Variants in LRP1B observed in about 807,000 individuals in gnomAD.
LRP1B encodes the protein low-density lipoprotein receptor-related protein 1B.
A neutral mutation model predicts 556.6 loss-of-function variants in LRP1B; 217 were observed. That is an observed-to-expected ratio of 0.39 (90% CI 0.35 to 0.44). The LOEUF is 0.44. Ranked by LOEUF, LRP1B falls within the 20% of genes least tolerant of loss-of-function variation. The pLI is 1.00. For missense variants in LRP1B, 5,053 were observed against 5,620.8 expected, an observed-to-expected ratio of 0.90 and a Z score of 3.23; for synonymous variants, 2,047 against 1,865.8, an observed-to-expected ratio of 1.10 and a Z score of -2.50.
chr2:141,974,002 C>T (rs1701816043), intron 1 of LRP1B, among the ~76,000 whole-genome samples: 1 of 151,808 alleles, frequency 6.6e-6, no homozygotes, highest in African/African-American at 2.4e-5. Context: ...TTTGCCTTTC[C>T]ACCCCTTCTC....
At chr2:141,572,403 C>T (rs987806925) in intron 2 of LRP1B, among the ~76,000 whole-genome samples, 2 of 152,112 alleles carry the variant, frequency 1.3e-5, no homozygotes, top group African/African-American at 4.8e-5. Flanking sequence ...TGCCACCAGG[C>T]CTGCCCTGCA....
intron 66 of LRP1B, among the ~76,000 whole-genome samples, chr2:140,393,927 T>C (rs891886492): frequency 6.6e-6 from 1 of 152,136 alleles, no homozygotes; most frequent in African/African-American, 2.4e-5. Flanking sequence ...ATCAACCTTA[T>C]ACAATTCTGT....
intron 3 of LRP1B, among the ~76,000 whole-genome samples, chr2:141,425,628 G>A (rs1294838284): frequency 1.3e-5 from 2 of 149,336 alleles, no homozygotes; most frequent in Non-Finnish European, 3.0e-5. Flanking sequence ...GGTGTGAGAT[G>A]GTATCTCACT....
intron 83 of LRP1B, among the ~76,000 whole-genome samples, chr2:140,301,674 T>C (rs1002654942): frequency 5.9e-5 from 9 of 151,992 alleles, no homozygotes; most frequent in Non-Finnish European, 1.2e-4. Context: ...TGTGAATGTA[T>C]TCCTCATATA....
rs767018342 is a variant in LRP1B at position 140,510,007 on chromosome 2, G to C, written c.8319C>G (p.Ala2773=). The C allele has an allele frequency of 6.2e-7, 1 of 1,613,914 alleles. No homozygotes were observed. Among genetic ancestry groups the C allele is most frequent in the South Asian group, 1.1e-5 (1 of 91,058 alleles). ...CACAAAGCCAATGTCGGGGCACGCA[G>C]GCACGAGAGCCCTGGCAGCTGAACA... is the stretch of plus-strand genomic sequence containing the variant. ...ADMFSCQGSR[A]CVPRHWLCDG... The change falls in exon 52 of 91, where the codon GCC becomes GCG. Residue 2773 remains alanine, a synonymous_variant. Transcript: ENST00000389484.
At chr2:140,400,242 G>A (rs950963424) in intron 66 of LRP1B, among the ~76,000 whole-genome samples, 1 of 152,140 alleles carries the variant, frequency 6.6e-6, no homozygotes, top group African/African-American at 2.4e-5. Flanking sequence ...GTCCCCATCA[G>A]GCCATTAATC....
intron 79 of LRP1B, among the ~76,000 whole-genome samples, chr2:140,327,691 T>TATTG (rs1246497519): frequency 7.9e-5 from 12 of 152,032 alleles, no homozygotes; most frequent in African/African-American, 2.9e-4. Context: ...AAAACATTAA[T>TATTG]ATTGATAATC....
chr2:141,227,892 CT>C (rs1351718834), intron 6 of LRP1B, among the ~76,000 whole-genome samples: 4 of 152,124 alleles, frequency 2.6e-5, no homozygotes, highest in African/African-American at 9.7e-5. Context: ...CAGCATTCTT[CT>C]TTTCCGCTTG....
At chr2:140,891,808 T>C (rs1241078173) in intron 23 of LRP1B, among the ~76,000 whole-genome samples, 1 of 152,212 alleles carries the variant, frequency 6.6e-6, no homozygotes, top group African/African-American at 2.4e-5. Context: ...GATGATGTCA[T>C]CAGCTGTCTC....
chr2:141,744,885 C>T (rs749727281), intron 2 of LRP1B, among the ~76,000 whole-genome samples: 47 of 152,152 alleles, frequency 3.1e-4, no homozygotes, highest in African/African-American at 9.9e-4. Context: ...TGATCTAAGC[C>T]GTATTTGCAT....
intron 79 of LRP1B, among the ~76,000 whole-genome samples, chr2:140,332,777 C>A (rs974701933): frequency 6.6e-6 from 1 of 152,016 alleles, no homozygotes; most frequent in Admixed American, 6.6e-5. Flanking sequence ...ATACAACTAC[C>A]GTCATAAATG....
chr2:141,608,864 G>T (rs1351578862), intron 2 of LRP1B, among the ~76,000 whole-genome samples: 1 of 152,096 alleles, frequency 6.6e-6, no homozygotes, highest in African/African-American at 2.4e-5. Context: ...ATTGATGAAG[G>T]TGGATGGGTT....
At chr2:140,713,079 G>C (rs1687090900) in intron 37 of LRP1B, among the ~76,000 whole-genome samples, 1 of 151,978 alleles carries the variant, frequency 6.6e-6, no homozygotes, top group Non-Finnish European at 1.5e-5. Flanking sequence ...TACAGAGCCT[G>C]AATTCTGTTG....
chr2:141,832,708 C>T (rs1163532517), intron 1 of LRP1B, among the ~76,000 whole-genome samples: 3 of 151,720 alleles, frequency 2.0e-5, no homozygotes, highest in Non-Finnish European at 3.0e-5. Flanking sequence ...AGTTATACAT[C>T]AGCTACCAAG....
chr2:141,394,776 A>G lies in LRP1B; in HGVS notation c.343+85620T>C, dbSNP rs1690179940. On this transcript the variant is annotated intron_variant, in intron 3 of 90. Coordinates refer to ENST00000389484, the MANE Select transcript of LRP1B (RefSeq NM_018557.3). Reference sequence around the variant, plus strand: ...GGAACTTTAAAACTTAGAAAACTGAAAAACTTGCACACGGATTCTTCCTAG... The same window carrying G: ...GGAACTTTAAAACTTAGAAAACTGAGAAACTTGCACACGGATTCTTCCTAG... 2.0e-5 allele frequency among the ~76,000 whole-genome samples: 3 copies of G among 152,138 alleles called. No individual in the cohort carries two copies. The South Asian group carries it at 6.2e-4, about 31-fold the overall frequency.
intron 1 of LRP1B, among the ~76,000 whole-genome samples, chr2:142,064,513 C>T (rs2104898911): frequency 6.6e-6 from 1 of 151,618 alleles, no homozygotes; most frequent in Non-Finnish European, 1.5e-5. Flanking sequence ...ATTTTAATAT[C>T]CAGCACTGCC....
intron 2 of LRP1B, among the ~76,000 whole-genome samples, chr2:141,483,078 G>A (rs1347216879): frequency 6.6e-6 from 1 of 151,242 alleles, no homozygotes; most frequent in East Asian, 2.0e-4. Context: ...TTGTCATTTA[G>A]CATTAGGTGT....
intron 2 of LRP1B, among the ~76,000 whole-genome samples, chr2:141,605,209 A>G (rs1687876337): frequency 6.6e-6 from 1 of 152,128 alleles, no homozygotes; most frequent in South Asian, 2.1e-4. Context: ...GTTTTGTATG[A>G]CACTTGAGAT....
At chr2:140,894,030 A>G (rs13419406) in intron 23 of LRP1B, among the ~76,000 whole-genome samples, 1 of 151,928 alleles carries the variant, frequency 6.6e-6, no homozygotes, top group Non-Finnish European at 1.5e-5. Context: ...GAGAGATACT[A>G]TTAAAATCCG....
Sources: allele counts gnomAD v4.1 joint callset (sites outside exome capture counted in the v4.1 genomes callset), GRCh38; gene constraint gnomAD v4.1.1; transcripts MANE v1.5; gene names NCBI Gene and HGNC (gene_info 2026-07-23, HGNC 2026-07-21).